XKR6: variants seen among roughly 807,000 people sequenced by gnomAD.
XKR6 encodes XK-related protein 6.
Under a neutral mutation model 56.7 loss-of-function variants are expected in XKR6, and 22 were observed. That is an observed-to-expected ratio of 0.39 (90% CI 0.28 to 0.55). The LOEUF (loss-of-function observed/expected upper bound fraction) is 0.55. Ranked by LOEUF, XKR6 falls within the 20% of genes least tolerant of loss-of-function variation. The probability of loss-of-function intolerance (pLI) is 0.66; values close to 1 mark genes in which losing one functional copy is unlikely to be tolerated. For missense variants in XKR6, 852 were observed against 889.0 expected (o/e 0.96, Z 0.53); for synonymous variants, 524 against 387.8 (o/e 1.35, Z -4.13).
At chr8:10,953,944 C>T (rs1801802635) in intron 1 of XKR6, among the ~76,000 whole-genome samples, 1 of 152,230 alleles carries the variant, frequency 6.6e-6, no homozygotes, top group African/African-American at 2.4e-5. Flanking sequence ...TGGCTTCTTT[C>T]ACTTAGCATG....
chr8:11,196,181 A>G (rs1261990505), intron 1 of XKR6, among the ~76,000 whole-genome samples: 1 of 152,206 alleles, frequency 6.6e-6, no homozygotes, highest in Non-Finnish European at 1.5e-5. Context: ...TCTTAGCATT[A>G]GAGGGACATT....
chr8:11,003,994 G>C (rs1314292390), intron 1 of XKR6, among the ~76,000 whole-genome samples: 1 of 152,166 alleles, frequency 6.6e-6, no homozygotes, highest in Non-Finnish European at 1.5e-5. Context: ...GGAAGGGCGG[G>C]TGGCTGTGGA....
chr8:11,119,615 C>A (rs1055332043), intron 1 of XKR6, among the ~76,000 whole-genome samples: 4 of 152,178 alleles, frequency 2.6e-5, no homozygotes, highest in African/African-American at 9.7e-5. Flanking sequence ...TTATCCGAGA[C>A]TAGGATTGCA....
At chr8:11,134,334 G>C (rs1800274018) in intron 1 of XKR6, among the ~76,000 whole-genome samples, 1 of 152,146 alleles carries the variant, frequency 6.6e-6, no homozygotes, top group Non-Finnish European at 1.5e-5. Context: ...TCTGTCATAT[G>C]TATCTTTGGC....
intron 1 of XKR6, among the ~76,000 whole-genome samples, chr8:11,084,831 C>G (rs1316993784): frequency 6.6e-6 from 1 of 152,186 alleles, no homozygotes; most frequent in Non-Finnish European, 1.5e-5. Flanking sequence ...GGAAAGGTTA[C>G]TCACACTCGA....
At chr8:10,907,474 T>C (rs572270428) in intron 2 of XKR6, among the ~76,000 whole-genome samples, 1 of 152,294 alleles carries the variant, frequency 6.6e-6, no homozygotes, top group East Asian at 1.9e-4. Context: ...CATAACTCAA[T>C]TGTTATGTTA....
chr8:11,010,269 C>G (rs1798470097), intron 1 of XKR6, among the ~76,000 whole-genome samples: 1 of 152,152 alleles, frequency 6.6e-6, no homozygotes, highest in South Asian at 2.1e-4. Context: ...CCCCATGATC[C>G]AATAACCTCC....
chr8:11,191,868 TA>T (rs1357753279), intron 1 of XKR6, among the ~76,000 whole-genome samples: 1 of 152,216 alleles, frequency 6.6e-6, no homozygotes, highest in African/African-American at 2.4e-5. Context: ...TTTTACGAAT[TA>T]AGGATAATTA....
intron 1 of XKR6, among the ~76,000 whole-genome samples, chr8:10,930,588 G>C (rs770684826): frequency 8.5e-5 from 13 of 152,162 alleles, no homozygotes; most frequent in Non-Finnish European, 1.8e-4. Flanking sequence ...TATATGGAAA[G>C]AACAATGTAC....
chr8:11,174,503 T>C (rs1478727392), intron 1 of XKR6, among the ~76,000 whole-genome samples: 1 of 152,214 alleles, frequency 6.6e-6, no homozygotes, highest in Non-Finnish European at 1.5e-5. Context: ...AATACTATTT[T>C]CCAGCATCTT....
intron 1 of XKR6, among the ~76,000 whole-genome samples, chr8:11,041,470 C>A (rs1258017704): frequency 6.6e-6 from 1 of 151,672 alleles, no homozygotes. Context: ...GCAGGAGTAT[C>A]GCTTGAACCT....
At chr8:11,092,811 C>T (rs889773282) in intron 1 of XKR6, among the ~76,000 whole-genome samples, 1 of 152,196 alleles carries the variant, frequency 6.6e-6, no homozygotes, top group African/African-American at 2.4e-5. Context: ...ATAGGTTTCT[C>T]GCCATGGAAG....
At chr8:10,956,930 C>G (rs1298599560) in intron 1 of XKR6, among the ~76,000 whole-genome samples, 1 of 152,298 alleles carries the variant, frequency 6.6e-6, no homozygotes, top group East Asian at 1.9e-4. Flanking sequence ...TACCCTAGTC[C>G]TGGCCTTGTC....
At chr8:11,130,580 C>A (rs1015547122) in intron 1 of XKR6, among the ~76,000 whole-genome samples, 13 of 150,946 alleles carry the variant, frequency 8.6e-5, no homozygotes, top group Admixed American at 3.3e-4. Context: ...GGGCTGCCAA[C>A]TATGGCTAAG....
At chr8:11,194,307 G>A (rs891579088) in intron 1 of XKR6, 1 of 152,180 alleles carries the variant, frequency 6.6e-6, no homozygotes, top group African/African-American at 2.4e-5. Flanking sequence ...AACTTGCAGA[G>A]TGAGAAACCT....
At chr8:11,107,500 C>T (rs767043588) in intron 1 of XKR6, among the ~76,000 whole-genome samples, 28 of 152,154 alleles carry the variant, frequency 1.8e-4, no homozygotes, top group Non-Finnish European at 2.9e-4. Flanking sequence ...CAATTTTTGA[C>T]TCCTTTGTGC....
intron 1 of XKR6, among the ~76,000 whole-genome samples, chr8:11,094,847 T>C (rs1798215959): frequency 6.6e-6 from 1 of 152,168 alleles, no homozygotes; most frequent in African/African-American, 2.4e-5. Flanking sequence ...TCCTGCAGAC[T>C]GACTGCTGCT....
At chr8:10,972,163 G>A (rs1002545815) in intron 1 of XKR6, among the ~76,000 whole-genome samples, 9 of 152,042 alleles carry the variant, frequency 5.9e-5, no homozygotes, top group Non-Finnish European at 1.0e-4. Context: ...GCCCAGCTGG[G>A]GCCTCGGGGT....
chr8:10,916,842 T>C (rs903998831), intron 2 of XKR6, among the ~76,000 whole-genome samples: 2 of 152,208 alleles, frequency 1.3e-5, no homozygotes, highest in African/African-American at 4.8e-5. Context: ...GAGTTCTCGC[T>C]GGAAAAATAG....
Sources: gnomAD v4.1 joint callset for allele counts (sites outside exome capture counted in the v4.1 genomes callset) on GRCh38, gnomAD v4.1.1 for gene constraint, MANE v1.5 for transcripts, NCBI Gene and HGNC (gene_info 2026-07-23, HGNC 2026-07-21) for gene names.